MYO3B: variants seen among roughly 807,000 people sequenced by gnomAD.
MYO3B encodes myosin-IIIb.
In MYO3B, 156 loss-of-function variants were observed where a neutral mutation model predicts 174.6. The ratio of observed to expected loss-of-function variants is 0.89; its 90% confidence interval spans 0.78 to 1.02. The LOEUF is 1.02. Ranked by LOEUF, MYO3B falls within the 50% of genes least tolerant of loss-of-function variation. The pLI is 0.00. For synonymous variants in MYO3B, 563 were observed against 569.1 expected (o/e 0.99, Z 0.15); for missense variants, 1,632 against 1,639.4 (o/e 1.00, Z 0.08).
chr2:170,374,105 C>T (rs144453489), intron 9 of MYO3B, among the ~76,000 whole-genome samples: 95 of 152,290 alleles, frequency 6.2e-4, no homozygotes, highest in Non-Finnish European at 1.2e-3. Context: ...TCACCACTGC[C>T]GCCTTTCTCA....
chr2:170,236,109 C>A lies in MYO3B; in HGVS notation c.722C>A (p.Pro241His). Residue 241 changes from proline to histidine, a missense_variant, in exon 7 of 35, where the codon CCT becomes CAT. Transcript: ENST00000408978. ...DGDPPLFDMH[P>H]VKTLFKIPRN... is the part of the protein sequence containing the mutation. ...GACCCTCCCCTCTTTGACATGCATC[C>A]TGTGAAAACACTCTTTAAGATTCCA... 1 of 1,614,170 alleles carries A rather than the reference C, an allele frequency of 6.2e-7. No individual in the cohort carries two copies. Among genetic ancestry groups the A allele is most frequent in the Non-Finnish European group, 8.5e-7 (1 of 1,180,026 alleles).
intron 32 of MYO3B, among the ~76,000 whole-genome samples, chr2:170,600,029 T>C (rs1196847283): frequency 1.3e-5 from 2 of 152,166 alleles, no homozygotes; most frequent in East Asian, 1.9e-4. Flanking sequence ...TTGCTTCTTA[T>C]GGCAGTGATG....
At chr2:170,529,068 C>G (rs944460173) in intron 30 of MYO3B, among the ~76,000 whole-genome samples, 1 of 152,156 alleles carries the variant, frequency 6.6e-6, no homozygotes, top group Non-Finnish European at 1.5e-5. Flanking sequence ...CCTGATAGCT[C>G]TCTTCTTTCT....
In MYO3B at chr2:170,489,483, A is replaced by G. The variant is rs184881222; in HGVS notation, c.3015-9109A>G. 3.2e-3 allele frequency among the ~76,000 whole-genome samples: 484 copies of G among 152,354 alleles called. 2 individuals carry two copies. The highest frequency in any genetic ancestry group is 4.9e-3 in the Non-Finnish European group (336 of 68,040). ...AAGAGAAATGATAGGGAAGGAAGTC[A>G]CTAAAAACAACCTTCTACCATTTAT... is the stretch of plus-strand genomic sequence containing the variant. On this transcript the variant is annotated intron_variant, in intron 25 of 34. Coordinates refer to ENST00000408978, the MANE Select transcript of MYO3B (RefSeq NM_138995.5).
intron 13 of MYO3B, among the ~76,000 whole-genome samples, chr2:170,386,684 A>T (rs1179655228): frequency 6.6e-6 from 1 of 152,216 alleles, no homozygotes; most frequent in Non-Finnish European, 1.5e-5. Flanking sequence ...TATTGAAAGA[A>T]TGAATTCAAA....
intron 28 of MYO3B, among the ~76,000 whole-genome samples, chr2:170,510,562 C>A (rs1687912985): frequency 6.6e-6 from 1 of 152,128 alleles, no homozygotes; most frequent in Non-Finnish European, 1.5e-5. Context: ...CAGAATGTGA[C>A]TTTAGTTGGA....
intron 7 of MYO3B, among the ~76,000 whole-genome samples, chr2:170,331,326 T>C (rs1403648388): frequency 6.6e-6 from 1 of 152,108 alleles, no homozygotes; most frequent in Non-Finnish European, 1.5e-5. Flanking sequence ...TATTTTTATG[T>C]TATAAAGAAA....
chr2:170,585,722 C>T (rs1032882033), intron 32 of MYO3B, among the ~76,000 whole-genome samples: 2 of 152,044 alleles, frequency 1.3e-5, no homozygotes, highest in African/African-American at 4.8e-5. Context: ...GTAAGGAAAT[C>T]GAGTCACAGT....
chr2:170,413,321 C>A (rs2094557559), intron 22 of MYO3B, among the ~76,000 whole-genome samples: 1 of 152,068 alleles, frequency 6.6e-6, no homozygotes, highest in African/African-American at 2.4e-5. Flanking sequence ...GGGCCTACAG[C>A]ACTGGAAAGG....
rs559086883 is a variant in MYO3B at position 170,537,448 on chromosome 2, A to ATTTTTTTTTTTTTTTTTTTTTTTTTTT, written c.3576-5451_3576-5425dup. Among the ~76,000 whole-genome samples, 3 of 54,824 alleles carry ATTTTTTTTTTTTTTTTTTTTTTTTTTT rather than the reference A, an allele frequency of 5.5e-5. 1 individual carries two copies. The highest frequency in any genetic ancestry group is 1.4e-3 in the East Asian group (2 of 1,380). 36.0% of individuals were successfully genotyped at this position (54,824 alleles called of 152,430 possible). A position where few individuals can be genotyped will look rare whatever the true frequency, so the allele number is the denominator to read the frequency against. On this transcript the variant is annotated intron_variant, in intron 30 of 34. Coordinates refer to ENST00000408978, the MANE Select transcript of MYO3B (RefSeq NM_138995.5). Reference sequence around the variant, plus strand: ...ACCTTCTCTTATTAAGAGCTCTTTGATTTTTTTTTTTTTTTTTTTTTTTTT... The same window carrying ATTTTTTTTTTTTTTTTTTTTTTTTTTT: ...ACCTTCTCTTATTAAGAGCTCTTTGATTTTTTTTTTTTTTTTTTTTTTTTTTTTTTTTTTTTTTTTTTTTTTTTTTTT...
chr2:170,561,869 A>T (rs1353777369), intron 32 of MYO3B, among the ~76,000 whole-genome samples: 1 of 152,126 alleles, frequency 6.6e-6, no homozygotes, highest in Non-Finnish European at 1.5e-5. Context: ...AAAAGAATAG[A>T]CCTGTGGTTT....
intron 18 of MYO3B, 31 bp from the exon 19 acceptor site, chr2:170,402,817 C>G: frequency 6.4e-7 from 1 of 1,572,014 alleles, no homozygotes; most frequent in South Asian, 1.2e-5. Flanking sequence ...GTTTCCTCCC[C>G]TAAAGAGTTT....
At chr2:170,643,662 C>T (rs1005438315) in intron 32 of MYO3B, 14 of 152,240 alleles carry the variant, frequency 9.2e-5, no homozygotes, top group African/African-American at 3.4e-4. Flanking sequence ...GAGAACGCCT[C>T]ATCCACAAAA....
At chr2:170,327,201 A>G (rs1169346863) in intron 7 of MYO3B, among the ~76,000 whole-genome samples, 3 of 152,372 alleles carry the variant, frequency 2.0e-5, no homozygotes, top group South Asian at 2.1e-4. Context: ...CCTGGCCCAC[A>G]TGGTAAAACC....
At chr2:170,404,106 T>A (rs549343944) in intron 19 of MYO3B, 141 bp from the exon 20 acceptor site, 1 of 828,028 alleles carries the variant, frequency 1.2e-6, no homozygotes, top group East Asian at 2.6e-5. Context: ...ATGCAGAAGA[T>A]TCCTTTATTA....
intron 7 of MYO3B, among the ~76,000 whole-genome samples, chr2:170,331,342 G>C (rs575905581): frequency 6.6e-6 from 1 of 152,270 alleles, no homozygotes; most frequent in East Asian, 1.9e-4. Flanking sequence ...AGAAATTCCA[G>C]CTACCAAGTA....
At chr2:170,501,093 A>AAGAG (rs10624320) in intron 27 of MYO3B, among the ~76,000 whole-genome samples, 140,169 of 151,914 alleles carry the variant, frequency 0.92, 65,637 homozygotes, top group Non-Finnish European at 1. Context: ...GGGAGGAACA[A>AAGAG]AGACATTATG....
At chr2:170,385,165 CAT>C (rs926816867) in intron 12 of MYO3B, among the ~76,000 whole-genome samples, 8 of 152,120 alleles carry the variant, frequency 5.3e-5, no homozygotes, top group African/African-American at 1.9e-4. Context: ...TTTCTGGACA[CAT>C]CCCCCTCCCA....
Position 170,407,832 on chromosome 2 carries a change from C to G in MYO3B, c.2638C>G (p.Leu880Val). ...KLLQQLFSIP[L>V]TKTGNLAQTR... The stretch of plus-strand genomic sequence containing the variant: ...TCTTCAGCAGCTCTTCTCAATCCCT[C>G]TGACCAAAACAGGTACTTGGGAACC... The change falls in exon 22 of 35, where the codon CTG becomes GTG. Residue 880 changes from leucine to valine, a missense_variant. By Grantham distance (32) the Leu-to-Val change is conservative (BLOSUM62 1). Coordinates refer to ENST00000408978, the MANE Select transcript of MYO3B (RefSeq NM_138995.5). The G allele has an allele frequency of 6.2e-7, 1 of 1,614,048 alleles. No homozygotes were observed. Among genetic ancestry groups the G allele is most frequent in the Non-Finnish European group, 8.5e-7 (1 of 1,179,894 alleles).
Sources: gnomAD v4.1 joint callset for allele counts (sites outside exome capture counted in the v4.1 genomes callset) on GRCh38, gnomAD v4.1.1 for gene constraint, MANE v1.5 for transcripts, NCBI Gene and HGNC (gene_info 2026-07-23, HGNC 2026-07-21) for gene names.